RALA: variants seen among roughly 807,000 people sequenced by gnomAD.
The protein encoded by RALA is RAS like proto-oncogene A.
Under a neutral mutation model 24.0 loss-of-function variants are expected in RALA, and 5 were observed. The observed-to-expected ratio is 0.21, with a 90% CI of 0.11 to 0.44. The LOEUF (loss-of-function observed/expected upper bound fraction) is 0.44. RALA is among the 20% of genes least tolerant of loss of function. The probability of loss-of-function intolerance (pLI) is 0.99; values close to 1 mark genes in which losing one functional copy is unlikely to be tolerated. For missense variants in RALA, 95 were observed against 241.2 expected (o/e 0.39, Z 4.01); for synonymous variants, 77 against 83.8 (o/e 0.92, Z 0.44).
intron 3 of RALA, among the ~76,000 whole-genome samples, chr7:39,694,896 G>GA (rs1386188515): frequency 2.0e-5 from 3 of 150,312 alleles, no homozygotes; most frequent in African/African-American, 4.9e-5. Flanking sequence ...AAGAAAAAAA[G>GA]AAAAAAAAAT....
chr7:39,697,552 C>T (rs761998234), intron 4 of RALA: 1 of 432,442 alleles, frequency 2.3e-6, no homozygotes, highest in Non-Finnish European at 4.6e-6. Flanking sequence ...GGTCTTTCTT[C>T]AGCCTGCAAG....
intron 1 of RALA, among the ~76,000 whole-genome samples, chr7:39,680,307 C>T (rs903712541): frequency 8.6e-5 from 13 of 151,342 alleles, no homozygotes; most frequent in Admixed American, 4.0e-4. Context: ...GTTGGTGAGG[C>T]GGAGGTTGCA....
At chr7:39,630,872 G>A (rs1791585901) in intron 1 of RALA, among the ~76,000 whole-genome samples, 1 of 152,108 alleles carries the variant, frequency 6.6e-6, no homozygotes, top group Non-Finnish European at 1.5e-5. Context: ...TAGAGGCTTT[G>A]TAGTATGTTT....
At chr7:39,646,497 A>G (rs551399658) in intron 1 of RALA, among the ~76,000 whole-genome samples, 4 of 152,050 alleles carry the variant, frequency 2.6e-5, no homozygotes, top group East Asian at 3.9e-4. Flanking sequence ...GGCAGCACAC[A>G]TCTGTGGTCC....
At chr7:39,640,545 C>CAGAT (rs1791794958) in intron 1 of RALA, among the ~76,000 whole-genome samples, 1 of 152,142 alleles carries the variant, frequency 6.6e-6, no homozygotes, top group Non-Finnish European at 1.5e-5. Context: ...AATCTTACAT[C>CAGAT]AGATATATAT....
At chr7:39,690,676 C>A in intron 3 of RALA, 86 bp downstream of exon 3, 1 of 1,045,294 alleles carries the variant, frequency 9.6e-7, no homozygotes, top group Non-Finnish European at 1.4e-6. Context: ...GAGGTTCTAA[C>A]TTGTTAGTCT....
intron 1 of RALA, among the ~76,000 whole-genome samples, chr7:39,684,712 TAAA>T (rs34582850): frequency 2.7e-5 from 3 of 110,390 alleles, no homozygotes; most frequent in African/African-American, 7.2e-5. Flanking sequence ...GCTGATGAGC[TAAA>T]AAAAAAAAAA....
At chr7:39,680,808 A>T (rs1265357959) in intron 1 of RALA, among the ~76,000 whole-genome samples, 2 of 152,036 alleles carry the variant, frequency 1.3e-5, no homozygotes, top group East Asian at 3.9e-4. Flanking sequence ...CGTTTATTAC[A>T]CACTACACTA....
chr7:39,637,846 G>A (rs1465274121), intron 1 of RALA, among the ~76,000 whole-genome samples: 9 of 152,130 alleles, frequency 5.9e-5, no homozygotes, highest in Admixed American at 5.9e-4. Context: ...CTTTTTCTGA[G>A]TATAGATGCT....
At chr7:39,667,127 A>G (rs1792298166) in intron 1 of RALA, among the ~76,000 whole-genome samples, 1 of 152,210 alleles carries the variant, frequency 6.6e-6, no homozygotes, top group Non-Finnish European at 1.5e-5. Context: ...CCATATCAGA[A>G]AACTGATTTA....
At chr7:39,701,284 G>T (rs1177849971) in intron 4 of RALA, among the ~76,000 whole-genome samples, 3 of 152,194 alleles carry the variant, frequency 2.0e-5, no homozygotes, top group Non-Finnish European at 4.4e-5. Context: ...GCCGAGGCAG[G>T]CAGATTACTT....
intron 4 of RALA, among the ~76,000 whole-genome samples, chr7:39,703,566 A>G (rs781389794): frequency 5.3e-5 from 8 of 152,146 alleles, no homozygotes; most frequent in Non-Finnish European, 1.2e-4. Flanking sequence ...TAAGGAACTC[A>G]GGTTCTGTTT....
chr7:39,690,169 TA>T (rs1792789995), intron 2 of RALA, among the ~76,000 whole-genome samples: 1 of 152,128 alleles, frequency 6.6e-6, no homozygotes. Context: ...AGCCTAGAGG[TA>T]ATAACTCAGC....
chr7:39,650,994 C>T (rs1425970505), intron 1 of RALA, among the ~76,000 whole-genome samples: 1 of 152,212 alleles, frequency 6.6e-6, no homozygotes, highest in African/African-American at 2.4e-5. Flanking sequence ...ACAGAAGCCT[C>T]AGCCTTTTAT....
rs887639879 is a variant in RALA at position 39,656,146 on chromosome 7, G to A, written c.-37-30485G>A. The stretch of plus-strand genomic sequence containing the variant: ...TCAGATATCTTAAATTTATTCCCAA[G>A]CCTTGTACATTATAGTTGCATCCTG... On this transcript the variant is annotated intron_variant, in intron 1 of 4. Transcript: ENST00000005257. Among the ~76,000 whole-genome samples, 6 of 152,088 alleles carry A rather than the reference G, an allele frequency of 3.9e-5. No homozygotes were observed. The East Asian group carries it at 1.2e-3, about 29-fold the overall frequency.
intron 1 of RALA, among the ~76,000 whole-genome samples, chr7:39,630,942 T>G (rs1791586975): frequency 6.6e-6 from 1 of 152,180 alleles, no homozygotes; most frequent in Non-Finnish European, 1.5e-5. Flanking sequence ...TTTTCTTGCC[T>G]TCTTGTATGA....
chr7:39,676,968 T>C (rs1301351707), intron 1 of RALA, among the ~76,000 whole-genome samples: 1 of 152,210 alleles, frequency 6.6e-6, no homozygotes, highest in East Asian at 1.9e-4. Context: ...AAAGGAATTC[T>C]GCCAGCATAA....
At chr7:39,656,143 C>T (rs187040975) in intron 1 of RALA, among the ~76,000 whole-genome samples, 2 of 152,224 alleles carry the variant, frequency 1.3e-5, no homozygotes, top group Admixed American at 1.3e-4. Flanking sequence ...AATTTATTCC[C>T]AAGCCTTGTA....
At chr7:39,680,832 A>C (rs1259084287) in intron 1 of RALA, among the ~76,000 whole-genome samples, 1 of 152,018 alleles carries the variant, frequency 6.6e-6, no homozygotes, top group Non-Finnish European at 1.5e-5. Flanking sequence ...TATGTATTTG[A>C]ATCTGGTTTT....
Sources: allele counts gnomAD v4.1 joint callset (sites outside exome capture counted in the v4.1 genomes callset), GRCh38; gene constraint gnomAD v4.1.1; transcripts MANE v1.5; gene names NCBI Gene and HGNC (gene_info 2026-07-23, HGNC 2026-07-21).